MAP1B: variants seen among roughly 807,000 people sequenced by gnomAD.
MAP1B encodes the protein microtubule-associated protein 1B.
MAP1B carries 12 observed loss-of-function variants against 176.1 expected under a neutral mutation model. That is an observed-to-expected ratio of 0.07 (90% confidence interval 0.04 to 0.11). MAP1B has a LOEUF of 0.11. MAP1B is among the 10% of genes least tolerant of loss of function. The pLI, the probability that MAP1B is intolerant of heterozygous loss-of-function variation, is 1.00. For missense variants in MAP1B, 2,523 were observed against 2,990.5 expected (o/e 0.84, Z 3.65); for synonymous variants, 1,044 against 1,135.0 (o/e 0.92, Z 1.61).
At chr5:72,115,638 C>A (rs1745418902) in intron 1 of MAP1B, 60 bp from the exon 2 acceptor site, 2 of 945,642 alleles carry the variant, frequency 2.1e-6, no homozygotes, top group South Asian at 1.3e-5. Flanking sequence ...GTGATGTTGT[C>A]CAAACCACTC....
rs1020326896 is a variant in MAP1B, at chr5:72,197,670, C to T, written c.4315C>T (p.Pro1439Ser). Residue 1439 changes from proline to serine, a missense_variant, in exon 5 of 7, where the codon CCA becomes TCA. By Grantham distance (74) the Pro-to-Ser change is moderately conservative. Transcript: ENST00000296755. The stretch of plus-strand genomic sequence containing the variant: ...AGAAAAGAGTGGAAAACAAGGCTCT[C>T]CAGACCAAGTAAGTCCAGTTTCTGA... Reference protein sequence around the residue: ...FEEKSGKQGSPDQVSPVSEMT... With the variant: ...FEEKSGKQGSSDQVSPVSEMT... The T allele has an allele frequency of 2.5e-6, 4 of 1,614,048 alleles. No homozygotes were observed. The African/African-American group carries it at 5.3e-5, about 22-fold the overall frequency.
chr5:72,119,124 C>G (rs767098725), intron 2 of MAP1B, among the ~76,000 whole-genome samples: 1 of 152,174 alleles, frequency 6.6e-6, no homozygotes, highest in Non-Finnish European at 1.5e-5. Context: ...AATATGAGTG[C>G]TTTCTGTACA....
intron 2 of MAP1B, among the ~76,000 whole-genome samples, chr5:72,152,939 G>C (rs1278286853): frequency 6.6e-6 from 1 of 152,132 alleles, no homozygotes; most frequent in South Asian, 2.1e-4. Flanking sequence ...AAGCAGCAAC[G>C]CAATTCCACC....
At position 72,198,820 on chromosome 5, in the gene MAP1B, T is replaced by C. The variant is rs374769980; in HGVS notation, c.5465T>C (p.Ile1822Thr). Residue 1822 changes from isoleucine (I) to threonine (T), a missense_variant, in exon 5 of 7, where the codon ATA (isoleucine) becomes ACA (threonine). Ile to Thr is a moderately conservative substitution (Grantham distance 89). This residue lies in a region of MAP1B where 1,925 missense variants were observed against 2,126.0 expected (regional missense o/e 0.91). Transcript: ENST00000296755. Reference protein sequence around the residue: ...ATCHSSSSPPIDAASAEPYGF... With the variant: ...ATCHSSSSPPTDAASAEPYGF... ...TGCCACAGTTCCTCTTCTCCACCAA[T>C]AGATGCAGCATCCGCAGAGCCCTAT... is the stretch of plus-strand genomic sequence containing the variant. The C allele has an allele frequency of 8.7e-6, 14 of 1,614,172 alleles. No individual in the cohort carries two copies. The highest frequency in any genetic ancestry group is 1.1e-5 in the South Asian group (1 of 91,076).
chr5:72,183,657 C>A, intron 2 of MAP1B, 86 bp from the exon 3 acceptor site: 3 of 908,038 alleles, frequency 3.3e-6, no homozygotes, highest in Non-Finnish European at 5.4e-6. Context: ...GGCAGAAATT[C>A]CTCTGCTGTC....
At chr5:72,130,670 C>T (rs558450096) in intron 2 of MAP1B, among the ~76,000 whole-genome samples, 2 of 152,262 alleles carry the variant, frequency 1.3e-5, no homozygotes, top group South Asian at 4.1e-4. Context: ...GTCTTGAACT[C>T]CATGGACAGA....
intron 2 of MAP1B, among the ~76,000 whole-genome samples, chr5:72,162,137 C>T (rs1372009328): frequency 1.3e-5 from 2 of 152,098 alleles, no homozygotes; most frequent in Non-Finnish European, 2.9e-5. Context: ...GGGGACTGAA[C>T]TCAGTGCTGC....
chr5:72,140,124 A>G (rs1421720959), intron 2 of MAP1B, among the ~76,000 whole-genome samples: 1 of 152,054 alleles, frequency 6.6e-6, no homozygotes, highest in Non-Finnish European at 1.5e-5. Flanking sequence ...CACCATGCCC[A>G]GCTAATTTTT....
chr5:72,159,449 G>A (rs1746289823), intron 2 of MAP1B, among the ~76,000 whole-genome samples: 1 of 150,544 alleles, frequency 6.6e-6, no homozygotes, highest in Non-Finnish European at 1.5e-5. Context: ...GATAGTGTAT[G>A]TTAACATAAT....
chr5:72,201,045 G>T (rs980524475), intron 5 of MAP1B, among the ~76,000 whole-genome samples: 1 of 152,078 alleles, frequency 6.6e-6, no homozygotes, highest in African/African-American at 2.4e-5. Context: ...CATTAGTAGA[G>T]ACTCAATGCT....
intron 4 of MAP1B, among the ~76,000 whole-genome samples, chr5:72,191,424 G>T (rs978584113): frequency 7.9e-5 from 12 of 152,344 alleles, no homozygotes; most frequent in African/African-American, 2.9e-4. Flanking sequence ...GTCAGGTGCT[G>T]CCGTGGGCTG....
intron 2 of MAP1B, among the ~76,000 whole-genome samples, chr5:72,140,165 G>A (rs1243026764): frequency 6.6e-6 from 1 of 152,062 alleles, no homozygotes; most frequent in Non-Finnish European, 1.5e-5. Flanking sequence ...GTTTTCCCAT[G>A]TTGCCCAGGC....
chr5:72,123,546 G>T (rs1745568894), intron 2 of MAP1B, among the ~76,000 whole-genome samples: 1 of 151,244 alleles, frequency 6.6e-6, no homozygotes, highest in African/African-American at 2.4e-5. Flanking sequence ...GTGCAGTGGT[G>T]CGATCTCGGC....
Position 72,194,844 on chromosome 5 carries a change from A to G in MAP1B, c.1489A>G (p.Asn497Asp). 1 of 1,614,206 alleles carries G rather than the reference A, an allele frequency of 6.2e-7. No individual in the cohort carries two copies. The highest frequency in any genetic ancestry group is 8.5e-7 in the Non-Finnish European group (1 of 1,180,028). ...VLFPGNSTQY[N>D]ILEGLEKLKH... is the part of the protein sequence containing the mutation. The stretch of plus-strand genomic sequence containing the variant: ...GTTTCCTGGGAACAGCACCCAGTAC[A>G]ACATCCTGGAAGGGTTGGAAAAGCT... Residue 497 changes from asparagine (N) to aspartate (D), a missense_variant, in exon 5 of 7, where the codon AAC becomes GAC. Asn to Asp is a conservative substitution (Grantham distance 23). Around this residue, in one of 4 missense-constraint regions of MAP1B, gnomAD observed 1,925 missense variants for 2,126.0 expected, o/e 0.91. Transcript: ENST00000296755. This position sits in a 1 kb window ranked among gnomAD's most constrained non-coding sequence, Gnocchi z 7.2.
At chr5:72,146,681 T>C (rs1746050601) in intron 2 of MAP1B, among the ~76,000 whole-genome samples, 1 of 152,174 alleles carries the variant, frequency 6.6e-6, no homozygotes, top group African/African-American at 2.4e-5. Context: ...ATCCCAGCAA[T>C]CTGGTCCTCA....
At chr5:72,203,474 G>T in intron 5 of MAP1B, 89 bp from the exon 6 acceptor site, 1 of 902,052 alleles carries the variant, frequency 1.1e-6, no homozygotes, top group South Asian at 1.4e-5. Context: ...ATTGAATAGG[G>T]AAGGTGTGAT....
rs1263577118 is a variant in MAP1B, at chr5:72,196,568, A to T, written c.3213A>T (p.Gln1071His). The change falls in exon 5 of 7, where the codon CAA (glutamine) becomes CAT (histidine). Residue 1071 changes from glutamine (Q) to histidine (H), a missense_variant. By Grantham distance (24) the Gln-to-His change is conservative. This residue lies in a region of MAP1B where 1,925 missense variants were observed against 2,126.0 expected (regional missense o/e 0.91). Transcript: ENST00000296755. This position sits in a 1 kb window ranked among gnomAD's most constrained non-coding sequence, Gnocchi z 5.3. ...GATTCCTCACCACACCAACCAAGCA[A>T]CTAGGAGCCCAGTCTCCTGGCCGAG... is the stretch of plus-strand genomic sequence containing the variant. ...QYGFLTTPTK[Q>H]LGAQSPGREP... 6.2e-7 allele frequency: 1 copy of T among 1,613,834 alleles called. No individual in the cohort carries two copies. The highest frequency in any genetic ancestry group is 8.5e-7 in the Non-Finnish European group (1 of 1,180,024).
intron 2 of MAP1B, among the ~76,000 whole-genome samples, chr5:72,137,536 G>T (rs1320240211): frequency 6.6e-6 from 1 of 152,120 alleles, no homozygotes; most frequent in Non-Finnish European, 1.5e-5. Flanking sequence ...GATTTTAAAT[G>T]ATCTGTATAG....
At chr5:72,133,256 C>T (rs545536061) in intron 2 of MAP1B, among the ~76,000 whole-genome samples, 1 of 152,340 alleles carries the variant, frequency 6.6e-6, no homozygotes, top group Admixed American at 6.5e-5. Flanking sequence ...CCTGTACTTA[C>T]AGGTGTTTTT....
Sources: gnomAD v4.1 joint callset for allele counts (sites outside exome capture counted in the v4.1 genomes callset) on GRCh38, gnomAD v4.1.1 for gene constraint, gnomAD v4.1.1 regional missense constraint, Gnocchi (gnomAD v3.1) non-coding constraint, MANE v1.5 for transcripts, NCBI Gene and HGNC (gene_info 2026-07-23, HGNC 2026-07-21) for gene names.